CALB2: variants seen among roughly 807,000 people sequenced by gnomAD.
CALB2 encodes calbindin 2.
In CALB2, 34 loss-of-function variants were observed where a neutral mutation model predicts 45.9. That is an observed-to-expected ratio of 0.74 (90% CI 0.56 to 0.99). The LOEUF (loss-of-function observed/expected upper bound fraction) is 0.99. CALB2 is among the 50% of genes least tolerant of loss of function. CALB2 has a pLI of 0.00. For missense variants in CALB2, 344 were observed against 339.3 expected (o/e 1.01, Z -0.11); for synonymous variants, 142 against 129.6 (o/e 1.10, Z -0.65).
At chr16:71,376,750 C>T (rs2042420790) in intron 3 of CALB2, among the ~76,000 whole-genome samples, 1 of 151,674 alleles carries the variant, frequency 6.6e-6, no homozygotes, top group Non-Finnish European at 1.5e-5. Context: ...CACACACACC[C>T]CCATACAACC....
At chr16:71,374,966 G>C in intron 3 of CALB2, 132 bp downstream of exon 3, 1 of 605,960 alleles carries the variant, frequency 1.7e-6, no homozygotes, top group South Asian at 2.0e-5. Flanking sequence ...CCCAGCACTT[G>C]GGCTGACCAA....
chr16:71,366,830 G>A (rs558607356), intron 1 of CALB2, among the ~76,000 whole-genome samples: 5 of 152,248 alleles, frequency 3.3e-5, no homozygotes, highest in Admixed American at 2.6e-4. Context: ...CCATAACTCT[G>A]TAAAGTAGAG....
At chr16:71,384,881 A>G in intron 9 of CALB2, 45 bp downstream of exon 9, 1 of 1,541,992 alleles carries the variant, frequency 6.5e-7, no homozygotes, top group Non-Finnish European at 9.0e-7. Flanking sequence ...GAAGCCCATC[A>G]GCCCGTCCAG....
chr16:71,359,750 C>G (rs903928478), intron 1 of CALB2, among the ~76,000 whole-genome samples: 1 of 152,178 alleles, frequency 6.6e-6, no homozygotes, highest in African/African-American at 2.4e-5. Flanking sequence ...CCTTTAGAGG[C>G]TTTTGATATC....
chr16:71,382,871 C>A, intron 5 of CALB2, 96 bp downstream of exon 5: 1 of 1,129,514 alleles, frequency 8.9e-7, no homozygotes, highest in Non-Finnish European at 1.3e-6. Context: ...CATGAGTTTG[C>A]GGGCTGCTTA....
intron 10 of CALB2, among the ~76,000 whole-genome samples, chr16:71,388,134 GA>G (rs1245249665): frequency 6.6e-6 from 1 of 151,620 alleles, no homozygotes; most frequent in Non-Finnish European, 1.5e-5. Context: ...GCCTAGGAGG[GA>G]AAAAAATTTT....
chr16:71,389,416 C>T, intron 10 of CALB2: 1 of 473,276 alleles, frequency 2.1e-6, no homozygotes, highest in Non-Finnish European at 4.2e-6. Flanking sequence ...TTTTCAAGTG[C>T]TTGCTGATGT....
intron 4 of CALB2, among the ~76,000 whole-genome samples, chr16:71,380,286 CCTTT>C (rs2042472911): frequency 9.4e-6 from 1 of 106,794 alleles, no homozygotes; most frequent in Non-Finnish European, 1.8e-5. Flanking sequence ...TTCTTTCCTT[CCTTT>C]TCTTTTTTTT....
At chr16:71,375,717 G>A (rs944217653) in intron 3 of CALB2, among the ~76,000 whole-genome samples, 5 of 152,212 alleles carry the variant, frequency 3.3e-5, no homozygotes, top group African/African-American at 1.2e-4. Flanking sequence ...AAAAGGCAGG[G>A]GATAGTGCTG....
intron 3 of CALB2, among the ~76,000 whole-genome samples, chr16:71,376,033 G>A (rs545816057): frequency 2.6e-5 from 4 of 152,336 alleles, no homozygotes; most frequent in Admixed American, 6.5e-5. Flanking sequence ...TAGAGGAGCA[G>A]GGAGAGGCAC....
intron 4 of CALB2, among the ~76,000 whole-genome samples, chr16:71,378,985 T>C (rs4438314): frequency 0.3 from 45,722 of 152,106 alleles, 6,936 homozygotes; most frequent in South Asian, 0.39. Context: ...TTTTTAAAAT[T>C]AGCATTCCTG....
At position 71,390,111 on chromosome 16, in the gene CALB2, A is replaced by G; in HGVS notation, c.*246A>G. On this transcript the variant is annotated 3_prime_UTR_variant, in exon 11 of 11. Transcript: ENST00000302628. ...CACACACATGGAAGGTGATGGGGGC[A>G]TGGGTGGAGGGTCCCTAATTCTCTT... The G allele has an allele frequency of 2.0e-6, 1 of 489,574 alleles. No individual in the cohort carries two copies. The highest frequency in any genetic ancestry group is 3.2e-5 in the East Asian group (1 of 30,858). The allele number at this position is 489,574 out of a possible 1,614,324, so 30.3% of individuals were successfully genotyped here. A position where few individuals can be genotyped will look rare whatever the true frequency, so the allele number is the denominator to read the frequency against.
chr16:71,385,606 G>C lies in CALB2; in HGVS notation c.657G>C (p.Glu219Asp). The change falls in exon 10 of 11, where the codon GAG (glutamate) becomes GAC (aspartate). Residue 219 changes from glutamate (E) to aspartate (D), a missense_variant. By Grantham distance (45) the Glu-to-Asp change is conservative. Coordinates refer to ENST00000302628, the MANE Select transcript of CALB2 (RefSeq NM_001740.5). ...KDRSGYIDEH[E>D]LDALLKDLYE... is the part of the protein sequence containing the mutation. ...GAAGCGGCTACATTGACGAGCATGA[G>C]CTGGATGCCCTTTTGAAGGATCTGT... The C allele has an allele frequency of 6.2e-7, 1 of 1,614,052 alleles. No homozygotes were observed. Among genetic ancestry groups the C allele is most frequent in the Non-Finnish European group, 8.5e-7 (1 of 1,180,020 alleles).
Position 71,381,602 on chromosome 16 carries a change from G to GC in CALB2, c.343-1117_343-1116insC, listed in dbSNP as rs199707070. ...AGAAGTGGGGGGAGGCAGGGGATAAGATGTAGGAAAAGGATTAGTGGTTGC... is the reference window on the plus strand; with the variant it reads ...AGAAGTGGGGGGAGGCAGGGGATAAGCATGTAGGAAAAGGATTAGTGGTTGC... On this transcript the variant is annotated intron_variant, in intron 4 of 10. Coordinates refer to ENST00000302628, the MANE Select transcript of CALB2 (RefSeq NM_001740.5). Among the ~76,000 whole-genome samples the GC allele has an allele frequency of 3.9e-3, 601 of 152,298 alleles. 5 individuals carry two copies. Among genetic ancestry groups the GC allele is most frequent in the African/African-American group, 0.014 (567 of 41,556 alleles).
chr16:71,377,858 C>A, intron 4 of CALB2, 111 bp downstream of exon 4: 1 of 695,818 alleles, frequency 1.4e-6, no homozygotes, highest in South Asian at 1.8e-5. Context: ...ATGCTAAACC[C>A]CTTAGAGCTC....
intron 1 of CALB2, among the ~76,000 whole-genome samples, chr16:71,362,853 C>T (rs1257930959): frequency 6.6e-6 from 1 of 152,196 alleles, no homozygotes; most frequent in African/African-American, 2.4e-5. Context: ...ACAAGAGCAT[C>T]TATTTCCTGT....
chr16:71,365,722 T>G (rs2042277172), intron 1 of CALB2, among the ~76,000 whole-genome samples: 1 of 152,088 alleles, frequency 6.6e-6, no homozygotes, highest in Non-Finnish European at 1.5e-5. Context: ...TATGCTCCAA[T>G]CCTACTGAAT....
intron 1 of CALB2, among the ~76,000 whole-genome samples, chr16:71,364,943 C>A (rs958373743): frequency 2.6e-5 from 4 of 152,190 alleles, no homozygotes; most frequent in Non-Finnish European, 4.4e-5. Flanking sequence ...TCTCCTTCCC[C>A]CTCCGATTCC....
At chr16:71,369,761 T>C (rs1208476034) in intron 1 of CALB2, among the ~76,000 whole-genome samples, 1 of 96,802 alleles carries the variant, frequency 1.0e-5, no homozygotes, top group East Asian at 2.4e-4. Context: ...CCTCCCCGTC[T>C]GACTCTACAA....
Sources: allele counts gnomAD v4.1 joint callset (sites outside exome capture counted in the v4.1 genomes callset), GRCh38; gene constraint gnomAD v4.1.1; transcripts MANE v1.5; gene names NCBI Gene and HGNC (gene_info 2026-07-23, HGNC 2026-07-21).